The following SNX14 variants were observed in gnomAD, a reference collection of about 807,000 sequenced individuals.
SNX14 encodes the protein sorting nexin 14, also known as sorting nexin-14.
A neutral mutation model predicts 133.8 loss-of-function variants in SNX14; 93 were observed. The ratio of observed to expected loss-of-function variants is 0.70; its 90% CI spans 0.59 to 0.83. The LOEUF (loss-of-function observed/expected upper bound fraction) is 0.83, where lower values mean the gene tolerates loss of function less well. SNX14 is among the 40% of genes least tolerant of loss of function. SNX14 has a pLI of 0.00. For synonymous variants in SNX14, 368 were observed against 365.6 expected (o/e 1.01, Z -0.07); for missense variants, 945 against 1,094.9 (o/e 0.86, Z 1.93).
chr6:85,526,135 C>T lies in SNX14; in HGVS notation c.2098G>A (p.Val700Ile), dbSNP rs1279130335. 1 of 1,566,744 alleles carries T rather than the reference C, an allele frequency of 6.4e-7. No individual in the cohort carries two copies. Among genetic ancestry groups the T allele is most frequent in the Non-Finnish European group, 8.7e-7 (1 of 1,151,114 alleles). The change falls in exon 21 of 29, where the codon GTA (valine) becomes ATA (isoleucine). Residue 700 changes from valine to isoleucine, a missense_variant. This residue lies in a region of SNX14 where 412 missense variants were observed against 516.6 expected (regional missense o/e 0.80). Coordinates refer to ENST00000314673, the MANE Select transcript of SNX14 (RefSeq NM_153816.6). ...TQFLDKILPD[V>I]NLGKIIKSVP... ...CTTTAAATTGACTTACCAAGATTTA[C>T]ATCTGGTAGTATCTTATCAAGAAAT...
intron 7 of SNX14, among the ~76,000 whole-genome samples, chr6:85,556,920 T>C (rs1789986178): frequency 6.6e-6 from 1 of 152,194 alleles, no homozygotes; most frequent in Non-Finnish European, 1.5e-5. Context: ...AATCTACCTA[T>C]AGCATAATTT....
intron 12 of SNX14, among the ~76,000 whole-genome samples, chr6:85,546,567 T>C (rs1785566483): frequency 6.6e-6 from 1 of 151,144 alleles, no homozygotes; most frequent in Non-Finnish European, 1.5e-5. Flanking sequence ...CTTTTAGTAT[T>C]TTTTTTTTCT....
chr6:85,513,935 CTATTTA>C (rs1196095620), intron 25 of SNX14, 40 bp from the exon 26 acceptor site: 1 of 1,575,522 alleles, frequency 6.3e-7, no homozygotes, highest in African/African-American at 1.4e-5. Flanking sequence ...GAATTTTCAT[CTATTTA>C]TACACAAAGG....
chr6:85,563,483 C>CAAGG (rs1792514789), intron 6 of SNX14, among the ~76,000 whole-genome samples: 1 of 152,146 alleles, frequency 6.6e-6, no homozygotes, highest in South Asian at 2.1e-4. Context: ...CCTCCACCTC[C>CAAGG]CAGGTTAAAG....
chr6:85,508,438 G>A, intron 26 of SNX14: 2 of 917,750 alleles, frequency 2.2e-6, no homozygotes, highest in South Asian at 5.0e-5. Context: ...GTACATACAT[G>A]TATAGAAATG....
At chr6:85,522,350 T>G (rs1777164082) in intron 21 of SNX14, among the ~76,000 whole-genome samples, 1 of 152,202 alleles carries the variant, frequency 6.6e-6, no homozygotes, top group African/African-American at 2.4e-5. Flanking sequence ...TAAAGTGTGT[T>G]ACCTACTTGG....
chr6:85,577,505 G>A (rs1218180762), intron 1 of SNX14, among the ~76,000 whole-genome samples: 2 of 152,004 alleles, frequency 1.3e-5, no homozygotes, highest in Admixed American at 6.6e-5. Flanking sequence ...TTTAAAACAC[G>A]CTACACAGAA....
At chr6:85,561,855 T>G (rs1331123079) in intron 6 of SNX14, among the ~76,000 whole-genome samples, 1 of 151,900 alleles carries the variant, frequency 6.6e-6, no homozygotes, top group African/African-American at 2.4e-5. Context: ...TCTTTCCAAC[T>G]TTTATGTTAG....
At chr6:85,557,495 A>T (rs551934333) in intron 7 of SNX14, among the ~76,000 whole-genome samples, 7 of 152,232 alleles carry the variant, frequency 4.6e-5, no homozygotes, top group Admixed American at 1.3e-4. Flanking sequence ...GCCAAAGCAT[A>T]ATATAGTGAA....
At position 85,505,924 on chromosome 6, in the gene SNX14, C is replaced by T; in HGVS notation, c.*43G>A. The stretch of plus-strand genomic sequence containing the variant: ...AAAGTAAATTTCTACCACCCTCGCA[C>T]AGCAGAAATTTCAATGGGTTATTCT... On this transcript the variant is annotated 3_prime_UTR_variant, in exon 29 of 29. Coordinates refer to ENST00000314673, the MANE Select transcript of SNX14 (RefSeq NM_153816.6). 1.4e-6 allele frequency: 2 copies of T among 1,422,048 alleles called. No individual in the cohort carries two copies. Among genetic ancestry groups the T allele is most frequent in the African/African-American group, 2.8e-5 (2 of 71,036 alleles). 88.1% of individuals were successfully genotyped at this position (1,422,048 alleles called of 1,614,324 possible). A position where few individuals can be genotyped will look rare whatever the true frequency, so the allele number is the denominator to read the frequency against.
intron 15 of SNX14, among the ~76,000 whole-genome samples, chr6:85,539,407 T>A (rs1782908801): frequency 1.3e-5 from 2 of 152,086 alleles, no homozygotes; most frequent in South Asian, 4.1e-4. Context: ...AAAATATGTT[T>A]TAAGCTAAGA....
chr6:85,517,713 G>C (rs1291155349), intron 23 of SNX14, 43 bp downstream of exon 23: 1 of 1,536,824 alleles, frequency 6.5e-7, no homozygotes. Flanking sequence ...TCTCAAGTAG[G>C]GCAACTTAAA....
intron 26 of SNX14, among the ~76,000 whole-genome samples, chr6:85,509,770 T>C (rs1181354307): frequency 6.6e-6 from 1 of 152,210 alleles, no homozygotes; most frequent in Non-Finnish European, 1.5e-5. Flanking sequence ...GTAACCATCA[T>C]TATAGAGTAG....
intron 1 of SNX14, chr6:85,589,147 T>A (rs1801990530): frequency 4.8e-6 from 1 of 209,994 alleles, no homozygotes; most frequent in Non-Finnish European, 9.9e-6. Context: ...GTCCATGTGA[T>A]AAAAGAAGTG....
At chr6:85,527,003 A>T (rs376255023) in intron 20 of SNX14, among the ~76,000 whole-genome samples, 5 of 152,290 alleles carry the variant, frequency 3.3e-5, no homozygotes, top group African/African-American at 1.2e-4. Context: ...CGGGAGGTGG[A>T]GGTTGCAGTG....
chr6:85,542,828 G>A (rs1582785204), intron 14 of SNX14, among the ~76,000 whole-genome samples: 1 of 152,104 alleles, frequency 6.6e-6, no homozygotes, highest in African/African-American at 2.4e-5. Flanking sequence ...TTGTAGTGGT[G>A]TGATCTCAGC....
chr6:85,593,368 G>A (rs1803527705), intron 1 of SNX14, among the ~76,000 whole-genome samples: 1 of 152,206 alleles, frequency 6.6e-6, no homozygotes, highest in African/African-American at 2.4e-5. Flanking sequence ...CGAAGCCTCG[G>A]GAAAGGAGGC....
chr6:85,517,878 G>GTGGT lies in SNX14; in HGVS notation c.2149-7_2149-4dup, dbSNP rs1318853528. On this transcript the variant is annotated splice_polypyrimidine_tract_variant and splice_region_variant and intron_variant, in intron 22 of 28. Coordinates refer to ENST00000314673, the MANE Select transcript of SNX14 (RefSeq NM_153816.6). The stretch of plus-strand genomic sequence containing the variant: ...AAAGGTTCCAAATGCTGACCTTTCT[G>GTGGT]TGGTGATAGATTATTGTAAGAAAAT... 2 of 1,596,082 alleles carry GTGGT rather than the reference G, an allele frequency of 1.3e-6. No homozygotes were observed. The highest frequency in any genetic ancestry group is 1.7e-6 in the Non-Finnish European group (2 of 1,175,412).
chr6:85,506,702 T>A (rs1770840677), intron 28 of SNX14, among the ~76,000 whole-genome samples: 1 of 152,214 alleles, frequency 6.6e-6, no homozygotes. Flanking sequence ...ACCACAGCAC[T>A]GAACAACAGT....
Sources: gnomAD v4.1 joint callset for allele counts (sites outside exome capture counted in the v4.1 genomes callset) on GRCh38, gnomAD v4.1.1 for gene constraint, gnomAD v4.1.1 regional missense constraint, MANE v1.5 for transcripts, NCBI Gene and HGNC (gene_info 2026-07-23, HGNC 2026-07-21) for gene names.